Variants in SMC1A observed in about 807,000 individuals in gnomAD.
The protein encoded by SMC1A is structural maintenance of chromosomes protein 1A.
SMC1A carries 4 observed loss-of-function variants against 94.5 expected under a neutral mutation model. The ratio of observed to expected loss-of-function variants is 0.04; its 90% confidence interval spans 0.02 to 0.10. The LOEUF (loss-of-function observed/expected upper bound fraction) is 0.10. Ranked by LOEUF, SMC1A falls within the 10% of genes least tolerant of loss-of-function variation. The probability of loss-of-function intolerance (pLI) is 1.00; values close to 1 mark genes in which losing one functional copy is unlikely to be tolerated. For missense variants in SMC1A, 304 were observed against 989.0 expected (o/e 0.31, Z 9.29); for synonymous variants, 345 against 347.7 (o/e 0.99, Z 0.09).
chrX:53,416,852 A>C (rs782728341), intron 1 of SMC1A, among the ~76,000 whole-genome samples: 26 of 112,302 alleles, frequency 2.3e-4, no homozygotes, highest in African/African-American at 8.1e-4. Flanking sequence ...CATCTAAAAA[A>C]AGTGCATATT....
chrX:53,407,254 C>G (rs782279016), intron 9 of SMC1A, among the ~76,000 whole-genome samples: 2 of 111,364 alleles, frequency 1.8e-5, no homozygotes, highest in Non-Finnish European at 3.8e-5. Flanking sequence ...ATTTGGGACT[C>G]TTAGCTCCAC....
At position 53,383,400 on chromosome X, in the gene SMC1A, G is replaced by A. The variant is rs2075592778; in HGVS notation, c.2974-147C>T. ...TTCTCCAGCTCGGTTCCTTCCACCA[G>A]ATCCTACCCATAGTAACCATTCCCA... is the stretch of plus-strand genomic sequence containing the variant. On this transcript the variant is annotated intron_variant, in intron 19 of 24. Coordinates refer to ENST00000322213, the MANE Select transcript of SMC1A (RefSeq NM_006306.4). The A allele has an allele frequency of 7.9e-6, 4 of 508,100 alleles. No individual in the cohort carries two copies. In the East Asian group the frequency reaches 1.1e-4, roughly 14 times the overall value. The allele number at this position is 508,100 out of a possible 1,213,427, so 41.9% of individuals were successfully genotyped here. A position where few individuals can be genotyped will look rare whatever the true frequency, so the allele number is the denominator to read the frequency against.
intron 19 of SMC1A, 38 bp downstream of exon 19, chrX:53,394,740 A>G: frequency 8.5e-6 from 3 of 351,500 alleles, no homozygotes; most frequent in Non-Finnish European, 1.5e-5. Context: ...CTCCCACCCA[A>G]CCCCCACCCC....
Position 53,405,114 on chromosome X carries a change from C to T in SMC1A, c.2094G>A (p.Leu698=). 1 of 1,210,630 alleles carries T rather than the reference C, an allele frequency of 8.3e-7. No homozygotes were observed. The highest frequency in any genetic ancestry group is 3.0e-5 in the East Asian group (1 of 33,815). ...QMKAKRKEAE[L]RQVQSQAHGL... The stretch of plus-strand genomic sequence containing the variant: ...CATGGGCCTGAGACTGCACCTGACG[C>T]AGCTCTGCCTCTTTCCGTTTTGCCT... The change falls in exon 13 of 25, where the codon CTG becomes CTA. Residue 698 remains leucine, a synonymous_variant. Transcript: ENST00000322213.
At chrX:53,381,184 C>A in intron 22 of SMC1A, 97 bp from the exon 23 acceptor site, 2 of 530,708 alleles carry the variant, frequency 3.8e-6, no homozygotes, top group African/African-American at 2.3e-5. Context: ...GGCCAGCTTC[C>A]CACTCCACTT....
chrX:53,408,408 A>C (rs2075698808), intron 9 of SMC1A, among the ~76,000 whole-genome samples: 2 of 111,721 alleles, frequency 1.8e-5, no homozygotes, highest in Admixed American at 1.9e-4. Flanking sequence ...TGGTTCCCTA[A>C]GAACTATCAG....
At chrX:53,404,832 T>C in intron 13 of SMC1A, 180 bp downstream of exon 13, 1 of 496,224 alleles carries the variant, frequency 2.0e-6, no homozygotes, top group South Asian at 2.8e-5. Flanking sequence ...TTGCCTAATG[T>C]CAAACTCAAG....
chrX:53,389,138 G>C (rs1283879103), intron 19 of SMC1A, among the ~76,000 whole-genome samples: 2 of 106,446 alleles, frequency 1.9e-5, no homozygotes, highest in African/African-American at 6.9e-5. Flanking sequence ...TTTTGGTCGG[G>C]GGGGTGAAGG....
intron 19 of SMC1A, among the ~76,000 whole-genome samples, chrX:53,385,417 C>T (rs2075600954): frequency 9.3e-6 from 1 of 107,900 alleles, no homozygotes; most frequent in African/African-American, 3.4e-5. Context: ...ACTACAGGAA[C>T]CCGCCACCAT....
intron 1 of SMC1A, among the ~76,000 whole-genome samples, 162 bp downstream of exon 1, chrX:53,422,330 C>T (rs890061411): frequency 1.8e-5 from 2 of 112,050 alleles, no homozygotes; most frequent in Non-Finnish European, 1.9e-5. Flanking sequence ...TTAGAGCACC[C>T]GCGCGGGGAG....
Position 53,383,268 on chromosome X carries a change from C to T in SMC1A, c.2974-15G>A. The T allele has an allele frequency of 8.6e-7, 1 of 1,165,417 alleles. No individual in the cohort carries two copies. The highest frequency in any genetic ancestry group is 1.1e-6 in the Non-Finnish European group (1 of 872,209). On this transcript the variant is annotated splice_polypyrimidine_tract_variant and intron_variant, in intron 19 of 24. Coordinates refer to ENST00000322213, the MANE Select transcript of SMC1A (RefSeq NM_006306.4). ...GCCTGGGCATCCTGTAAGCCCCAGG[C>T]CCAGCAATGTCAAGAAGGGCCTGGC...
At chrX:53,399,473 CTTA>C (rs2075663528) in intron 16 of SMC1A, 113 bp downstream of exon 16, 2 of 719,943 alleles carry the variant, frequency 2.8e-6, no homozygotes, top group East Asian at 6.5e-5. Flanking sequence ...TGGTATTTTT[CTTA>C]TTGATTTAGA....
At chrX:53,381,472 C>G (rs1556885882) in intron 22 of SMC1A, among the ~76,000 whole-genome samples, 5 of 111,888 alleles carry the variant, frequency 4.5e-5, no homozygotes, top group African/African-American at 1.6e-4. Flanking sequence ...ATGCTGCACC[C>G]TCAGCCTAGA....
At chrX:53,397,580 CAA>C (rs11302688) in intron 16 of SMC1A, among the ~76,000 whole-genome samples, 1 of 101,120 alleles carries the variant, frequency 9.9e-6, no homozygotes, top group African/African-American at 3.6e-5. Flanking sequence ...GACCTTGTCT[CAA>C]AAAAAAAAAT....
At chrX:53,400,650 T>C (rs998126956) in intron 15 of SMC1A, among the ~76,000 whole-genome samples, 6 of 111,143 alleles carry the variant, frequency 5.4e-5, no homozygotes, top group Admixed American at 9.6e-5. Context: ...TACAAAAACA[T>C]GGAGAAAATA....
At chrX:53,389,780 T>A (rs782416960) in intron 19 of SMC1A, among the ~76,000 whole-genome samples, 1 of 109,990 alleles carries the variant, frequency 9.1e-6, no homozygotes, top group African/African-American at 3.3e-5. Context: ...TTTTAAGAAT[T>A]CCTATCTCTT....
chrX:53,421,716 C>T (rs1214520677), intron 1 of SMC1A, among the ~76,000 whole-genome samples: 1 of 112,481 alleles, frequency 8.9e-6, no homozygotes, highest in African/African-American at 3.2e-5. Context: ...CTTCTTTCCC[C>T]TCTGGAATAT....
chrX:53,398,682 T>A (rs2075660510), intron 16 of SMC1A, among the ~76,000 whole-genome samples: 1 of 111,512 alleles, frequency 9.0e-6, no homozygotes, highest in South Asian at 3.8e-4. Context: ...CTATTTTTCC[T>A]TTAAAAAGGG....
chrX:53,394,956 T>A, intron 18 of SMC1A, 68 bp from the exon 19 acceptor site: 1 of 630,378 alleles, frequency 1.6e-6, no homozygotes, highest in Non-Finnish European at 2.7e-6. Context: ...AGGGAGCTCC[T>A]TTGCAGCCTT....
Sources: gnomAD v4.1 joint callset for allele counts (sites outside exome capture counted in the v4.1 genomes callset) on GRCh38, gnomAD v4.1.1 for gene constraint, MANE v1.5 for transcripts, NCBI Gene and HGNC (gene_info 2026-07-23, HGNC 2026-07-21) for gene names.